DNAH3: variants seen among roughly 807,000 people sequenced by gnomAD.
DNAH3 encodes dynein axonemal heavy chain 3, also known as axonemal beta dynein heavy chain 3.
DNAH3 carries 332 observed loss-of-function variants against 432.5 expected under a neutral mutation model. The ratio of observed to expected loss-of-function variants is 0.77; its 90% CI spans 0.70 to 0.84. The LOEUF is 0.84. Ranked by LOEUF, DNAH3 falls within the 40% of genes least tolerant of loss-of-function variation. The pLI is 0.00. For missense variants in DNAH3, 4,861 were observed against 5,114.0 expected (o/e 0.95, Z 1.51); for synonymous variants, 1,956 against 1,900.2 (o/e 1.03, Z -0.76).
chr16:21,135,303 T>C (rs2152824127), intron 6 of DNAH3, among the ~76,000 whole-genome samples: 1 of 152,258 alleles, frequency 6.6e-6, no homozygotes, highest in African/African-American at 2.4e-5. Context: ...TCCATTATAT[T>C]TACAAATAGA....
At chr16:21,102,986 C>T (rs1378961679) in intron 16 of DNAH3, among the ~76,000 whole-genome samples, 2 of 151,786 alleles carry the variant, frequency 1.3e-5, no homozygotes, top group Non-Finnish European at 2.9e-5. Flanking sequence ...CTGCCTCGGC[C>T]TCCCAAAGTG....
At chr16:21,009,146 T>A (rs1368294607) in intron 41 of DNAH3, among the ~76,000 whole-genome samples, 1 of 152,228 alleles carries the variant, frequency 6.6e-6, no homozygotes, top group Non-Finnish European at 1.5e-5. Context: ...CAACACCATC[T>A]GTGATAGCAA....
intron 35 of DNAH3, among the ~76,000 whole-genome samples, 175 bp downstream of exon 35, chr16:21,036,539 C>T (rs2089178309): frequency 6.6e-6 from 1 of 152,178 alleles, no homozygotes; most frequent in African/African-American, 2.4e-5. Flanking sequence ...CTCAGCCTCT[C>T]AAGTAGCTGG....
intron 31 of DNAH3, among the ~76,000 whole-genome samples, chr16:21,044,395 T>C (rs1332303346): frequency 6.8e-6 from 1 of 147,060 alleles, no homozygotes; most frequent in African/African-American, 2.5e-5. Context: ...TCACATCCCT[T>C]GTAAGTTGGA....
At chr16:21,048,713 T>G (rs1283226045) in intron 31 of DNAH3, among the ~76,000 whole-genome samples, 1 of 151,970 alleles carries the variant, frequency 6.6e-6, no homozygotes, top group Non-Finnish European at 1.5e-5. Flanking sequence ...CCTTTTTTTT[T>G]TTTTTAAACA....
intron 41 of DNAH3, among the ~76,000 whole-genome samples, chr16:21,007,804 T>A (rs2087390575): frequency 6.6e-6 from 1 of 152,224 alleles, no homozygotes; most frequent in Admixed American, 6.5e-5. Context: ...TGCATCTATG[T>A]TTTCTTCTAA....
chr16:21,140,175 T>TA (rs2092700425), intron 5 of DNAH3: 1 of 179,442 alleles, frequency 5.6e-6, no homozygotes, highest in Non-Finnish European at 1.2e-5. Flanking sequence ...ATACTTATAC[T>TA]AAAAAGTTAT....
At chr16:20,965,930 C>CAGGT (rs1232311529) in intron 52 of DNAH3, among the ~76,000 whole-genome samples, 1 of 144,546 alleles carries the variant, frequency 6.9e-6, no homozygotes, top group Non-Finnish European at 1.5e-5. Flanking sequence ...CCAGGCTGGT[C>CAGGT]TTAAACTCCT....
chr16:20,954,863 A>G (rs746061234), exon 55 of DNAH3: 1 of 1,614,190 alleles, frequency 6.2e-7, no homozygotes, highest in Non-Finnish European at 8.5e-7. Flanking sequence ...GAAGAAACAA[A>G]GGCCAAATAA....
At chr16:21,145,346 C>T (rs756057514) in exon 3 of DNAH3, 1 of 1,614,162 alleles carries the variant, frequency 6.2e-7, no homozygotes, top group East Asian at 2.2e-5. Context: ...TTGAAGGGTG[C>T]AGCCAAGGTC....
chr16:21,085,014 G>A (rs959117329), intron 19 of DNAH3, among the ~76,000 whole-genome samples: 3 of 150,048 alleles, frequency 2.0e-5, no homozygotes, highest in South Asian at 2.1e-4. Context: ...GGTCCGTAGA[G>A]AGAGGCACCC....
chr16:21,077,383 G>C (rs1383460192), intron 20 of DNAH3, among the ~76,000 whole-genome samples: 1 of 152,084 alleles, frequency 6.6e-6, no homozygotes, highest in Non-Finnish European at 1.5e-5. Flanking sequence ...CGCTGGTCTT[G>C]AACTCCTGAC....
At chr16:20,946,819 CTT>C (rs71149199) in intron 57 of DNAH3, among the ~76,000 whole-genome samples, 4 of 70,900 alleles carry the variant, frequency 5.6e-5, no homozygotes, top group Non-Finnish European at 7.4e-5. Context: ...ATTGTGAGTC[CTT>C]TTTTTTTTTT....
intron 57 of DNAH3, 50 bp downstream of exon 57, chr16:20,948,433 T>C (rs2084152003): frequency 2.6e-6 from 4 of 1,542,364 alleles, no homozygotes; most frequent in Non-Finnish European, 3.6e-6. Flanking sequence ...CATATAGAGA[T>C]GACGGAGCCC....
intron 57 of DNAH3, among the ~76,000 whole-genome samples, chr16:20,947,682 G>A (rs1162610438): frequency 6.6e-6 from 1 of 152,212 alleles, no homozygotes; most frequent in Non-Finnish European, 1.5e-5. Context: ...CTTCTGTATT[G>A]ATGGTGGTGG....
chr16:21,000,863 T>C (rs930679805), intron 42 of DNAH3, among the ~76,000 whole-genome samples: 2 of 152,218 alleles, frequency 1.3e-5, no homozygotes, highest in African/African-American at 4.8e-5. Context: ...GAATACCAGC[T>C]TGTCTGATTC....
At chr16:21,007,502 G>T (rs189494172) in intron 41 of DNAH3, among the ~76,000 whole-genome samples, 1 of 152,070 alleles carries the variant, frequency 6.6e-6, no homozygotes, top group Middle Eastern at 3.2e-3. Flanking sequence ...TGCCTGGCCT[G>T]TATATCTTCT....
intron 53 of DNAH3, among the ~76,000 whole-genome samples, chr16:20,962,387 C>T (rs1434216030): frequency 6.6e-6 from 1 of 152,096 alleles, no homozygotes; most frequent in African/African-American, 2.4e-5. Context: ...GTGGCCCGTG[C>T]ATTGTGAGGC....
At chr16:20,981,373 T>C (rs536576251) in intron 49 of DNAH3, among the ~76,000 whole-genome samples, 12 of 152,152 alleles carry the variant, frequency 7.9e-5, no homozygotes, top group African/African-American at 2.7e-4. Context: ...ATACCCCAAA[T>C]GGAATTTAAG....
Sources: allele counts gnomAD v4.1 joint callset (sites outside exome capture counted in the v4.1 genomes callset), GRCh38; gene constraint gnomAD v4.1.1; transcripts MANE v1.5; gene names NCBI Gene and HGNC (gene_info 2026-07-23, HGNC 2026-07-21).